Variants in HEATR4 observed in about 807,000 individuals in gnomAD.
HEATR4 encodes HEAT repeat-containing protein 4.
Under a neutral mutation model 108.8 loss-of-function variants are expected in HEATR4, and 95 were observed. The observed-to-expected ratio is 0.87, with a 90% CI of 0.74 to 1.04. The LOEUF (loss-of-function observed/expected upper bound fraction) is 1.04, where lower values mean the gene tolerates loss of function less well. Among genes scored for constraint, HEATR4 ranks in the 50% least tolerant of loss-of-function variants. HEATR4 has a pLI of 0.00. For synonymous variants in HEATR4, 443 were observed against 459.4 expected (o/e 0.96, Z 0.46); for missense variants, 1,152 against 1,253.8 (o/e 0.92, Z 1.23).
chr14:73,628,787 C>T, the HEATR4 span, among the ~76,000 whole-genome samples: 2 of 151,572 alleles, frequency 1.3e-5, no homozygotes, highest in Admixed American at 6.6e-5. Context: ...AGCAGTGGCT[C>T]ATGCCGGTAA....
At chr14:73,524,729 A>G (rs568064580) in intron 2 of HEATR4, among the ~76,000 whole-genome samples, 6 of 150,276 alleles carry the variant, frequency 4.0e-5, no homozygotes, top group African/African-American at 1.5e-4. Flanking sequence ...CCCAAGCACC[A>G]CTCCCTACCA....
At chr14:73,548,771 T>A (rs1889275561) in intron 1 of HEATR4, among the ~76,000 whole-genome samples, 1 of 114,488 alleles carries the variant, frequency 8.7e-6, no homozygotes, top group African/African-American at 2.8e-5. Flanking sequence ...ACCTGCTTAG[T>A]TACACTCCCA....
the HEATR4 span, among the ~76,000 whole-genome samples, chr14:73,612,044 CTT>C: frequency 2.3e-3 from 333 of 142,252 alleles, no homozygotes; most frequent in African/African-American, 7.2e-3. Context: ...GTCATTAACT[CTT>C]TTTTTTTTTT....
the HEATR4 span, chr14:73,569,604 C>G: frequency 6.2e-7 from 1 of 1,601,556 alleles, no homozygotes; most frequent in African/African-American, 1.3e-5. Flanking sequence ...TCTTGGCGAG[C>G]TGGACCTGGA....
chr14:73,522,179 G>A lies in HEATR4; in HGVS notation c.881+93C>T, dbSNP rs539805192. 4 of 1,285,936 alleles carry A rather than the reference G, an allele frequency of 3.1e-6. No individual in the cohort carries two copies. The South Asian group carries it at 5.6e-5, about 18-fold the overall frequency. 79.7% of individuals were successfully genotyped at this position (1,285,936 alleles called of 1,614,324 possible). A position where few individuals can be genotyped will look rare whatever the true frequency, so the allele number is the denominator to read the frequency against. On this transcript the variant is annotated intron_variant, in intron 3 of 17. Coordinates refer to ENST00000553558, the MANE Select transcript of HEATR4 (RefSeq NM_001220484.1). ...GAGAACATGAAGTTGATGGGAGAGT[G>A]CATTCTGAAATCGGGAGTGTGAGTC...
At chr14:73,523,900 T>A (rs1888130115) in intron 2 of HEATR4, among the ~76,000 whole-genome samples, 1 of 152,202 alleles carries the variant, frequency 6.6e-6, no homozygotes, top group Non-Finnish European at 1.5e-5. Flanking sequence ...TATTTGAGAC[T>A]CTAATTCCAT....
chr14:73,513,727 C>CTAA (rs1887407718), intron 6 of HEATR4, among the ~76,000 whole-genome samples: 1 of 26,578 alleles, frequency 3.8e-5, no homozygotes, highest in Admixed American at 7.5e-4. Context: ...AACTACGTCT[C>CTAA]CAAAAAAAAA....
chr14:73,594,449 AGCG>A, the HEATR4 span, among the ~76,000 whole-genome samples: 44 of 152,068 alleles, frequency 2.9e-4, 1 homozygote, highest in Admixed American at 2.3e-3. Context: ...TCAGCGGCTC[AGCG>A]GCTCAGCATT....
the HEATR4 span, among the ~76,000 whole-genome samples, chr14:73,578,673 C>T: frequency 3.9e-5 from 6 of 151,914 alleles, no homozygotes; most frequent in African/African-American, 9.7e-5. Flanking sequence ...AAATAGAGGC[C>T]GGGTGCGGTG....
chr14:73,491,692 C>T, intron 17 of HEATR4: 1 of 1,549,820 alleles, frequency 6.5e-7, no homozygotes, highest in Non-Finnish European at 8.7e-7. Flanking sequence ...TATGGGAGCG[C>T]GAGGCGGTGC....
chr14:73,576,840 G>C, the HEATR4 span, among the ~76,000 whole-genome samples: 1 of 114,516 alleles, frequency 8.7e-6, no homozygotes, highest in Non-Finnish European at 1.9e-5. Context: ...TATATCACTT[G>C]ATATAAATAG....
Position 73,546,857 on chromosome 14 carries a change from C to T in HEATR4, c.-152+11894G>A, listed in dbSNP as rs1206717621. Among the ~76,000 whole-genome samples, 45 of 106,120 alleles carry T rather than the reference C, an allele frequency of 4.2e-4. 10 individuals carry two copies. Among genetic ancestry groups the T allele is most frequent in the East Asian group, 1.5e-3 (2 of 1,306 alleles). The allele number at this position is 106,120 out of a possible 152,430, so 69.6% of individuals were successfully genotyped here. ...ATCCCAGCACTTTGGGAGGCCGAGG[C>T]GGGCAGATCACCTGAGGTCAGGAGT... On this transcript the variant is annotated intron_variant, in intron 1 of 17. Coordinates refer to ENST00000553558, the MANE Select transcript of HEATR4 (RefSeq NM_001220484.1).
the HEATR4 span, among the ~76,000 whole-genome samples, chr14:73,632,748 G>A: frequency 1.3e-5 from 2 of 150,374 alleles, no homozygotes; most frequent in East Asian, 2.0e-4. Context: ...GGAGGCTGAG[G>A]TAGGAGAATC....
At chr14:73,568,690 C>T in the HEATR4 span, among the ~76,000 whole-genome samples, 5 of 151,900 alleles carry the variant, frequency 3.3e-5, no homozygotes, top group Admixed American at 1.3e-4. Flanking sequence ...GAGGCTGAGG[C>T]GGGCGGATTA....
chr14:73,629,555 A>G, the HEATR4 span, among the ~76,000 whole-genome samples: 1 of 152,216 alleles, frequency 6.6e-6, no homozygotes, highest in African/African-American at 2.4e-5. Context: ...AGAGACTGGA[A>G]GAGTGCAGAG....
In HEATR4 at chr14:73,520,999, T is replaced by G. The variant is rs1887942359; in HGVS notation, c.922A>C (p.Met308Leu). The G allele has an allele frequency of 6.2e-7, 1 of 1,613,640 alleles. No homozygotes were observed. Among genetic ancestry groups the G allele is most frequent in the Non-Finnish European group, 8.5e-7 (1 of 1,180,006 alleles). ...YFQQAETVEI[M>L]PGNKSTEDIH... is the part of the protein sequence containing the mutation. ...TCCTCAGTGCTCTTGTTGCCAGGCA[T>G]GATCTCAACTGTCTCTGCTTGTTGG... The change falls in exon 4 of 18, where the codon ATG becomes CTG. Residue 308 changes from methionine to leucine, a missense_variant. Met to Leu is a conservative substitution (Grantham distance 15). Transcript: ENST00000553558.
chr14:73,490,054 G>A (rs1168972768), intron 17 of HEATR4, among the ~76,000 whole-genome samples: 1 of 152,348 alleles, frequency 6.6e-6, no homozygotes, highest in East Asian at 1.9e-4. Flanking sequence ...ACACTGCAAT[G>A]TGCAGAGACT....
the HEATR4 span, among the ~76,000 whole-genome samples, chr14:73,622,986 T>G: frequency 6.6e-6 from 1 of 151,798 alleles, no homozygotes; most frequent in Non-Finnish European, 1.5e-5. Context: ...TTCGGCTCAC[T>G]GCAACATCCG....
chr14:73,603,739 T>G, the HEATR4 span, among the ~76,000 whole-genome samples: 2 of 150,884 alleles, frequency 1.3e-5, no homozygotes, highest in African/African-American at 4.8e-5. Flanking sequence ...TTCTTTTCTT[T>G]TCTTTTTTTT....
Sources: allele counts gnomAD v4.1 joint callset (sites outside exome capture counted in the v4.1 genomes callset), GRCh38; gene constraint gnomAD v4.1.1; transcripts MANE v1.5; gene names NCBI Gene and HGNC (gene_info 2026-07-23, HGNC 2026-07-21).